HS6ST3: variants seen among roughly 807,000 people sequenced by gnomAD.
The protein encoded by HS6ST3 is heparan-sulfate 6-O-sulfotransferase 3.
A neutral mutation model predicts 36.7 loss-of-function variants in HS6ST3; 12 were observed. The ratio of observed to expected loss-of-function variants is 0.33; its 90% CI spans 0.21 to 0.53. The LOEUF (loss-of-function observed/expected upper bound fraction) is 0.53. Among genes scored for constraint, HS6ST3 ranks in the 20% least tolerant of loss-of-function variants. HS6ST3 has a pLI of 0.95. For synonymous variants in HS6ST3, 240 were observed against 257.5 expected (o/e 0.93, Z 0.65); for missense variants, 584 against 640.9 (o/e 0.91, Z 0.96).
At chr13:96,465,560 C>T (rs2055808289) in intron 1 of HS6ST3, among the ~76,000 whole-genome samples, 1 of 152,124 alleles carries the variant, frequency 6.6e-6, no homozygotes, top group Non-Finnish European at 1.5e-5. Flanking sequence ...CTTAAGGATG[C>T]AACCCACAGG....
chr13:96,302,976 T>C (rs2139404632), intron 1 of HS6ST3, among the ~76,000 whole-genome samples: 1 of 152,308 alleles, frequency 6.6e-6, no homozygotes, highest in South Asian at 2.1e-4. Flanking sequence ...CCTTCACTTA[T>C]ATGCTGTTTA....
At chr13:96,114,837 T>G (rs919291612) in intron 1 of HS6ST3, among the ~76,000 whole-genome samples, 13 of 152,146 alleles carry the variant, frequency 8.5e-5, no homozygotes, top group Admixed American at 8.5e-4. Flanking sequence ...CATAAATAAG[T>G]CTTTGTGTTG....
At chr13:96,745,927 A>G (rs1216479587) in intron 1 of HS6ST3, among the ~76,000 whole-genome samples, 2 of 152,012 alleles carry the variant, frequency 1.3e-5, no homozygotes, top group Non-Finnish European at 2.9e-5. Context: ...CAGAAATACA[A>G]AGCCCAGGCA....
intron 1 of HS6ST3, among the ~76,000 whole-genome samples, chr13:96,800,570 C>T (rs1416901701): frequency 1.3e-5 from 2 of 152,020 alleles, no homozygotes; most frequent in Non-Finnish European, 2.9e-5. Flanking sequence ...TAAGACTTTT[C>T]CATTTCTGGG....
intron 1 of HS6ST3, among the ~76,000 whole-genome samples, chr13:96,132,439 C>T (rs929131074): frequency 1.3e-5 from 2 of 150,988 alleles, no homozygotes; most frequent in African/African-American, 4.9e-5. Context: ...GGGTCTTGCT[C>T]TGTCACCCAG....
At chr13:96,500,017 C>A (rs1420946992) in intron 1 of HS6ST3, among the ~76,000 whole-genome samples, 1 of 152,054 alleles carries the variant, frequency 6.6e-6, no homozygotes, top group Admixed American at 6.6e-5. Context: ...GTGCAACATC[C>A]CTGCTGATTT....
intron 1 of HS6ST3, among the ~76,000 whole-genome samples, chr13:96,436,181 G>C (rs895212141): frequency 1.3e-5 from 2 of 152,138 alleles, no homozygotes; most frequent in Admixed American, 1.3e-4. Flanking sequence ...TTAAGAAAAA[G>C]TCTTTTCACC....
intron 1 of HS6ST3, among the ~76,000 whole-genome samples, chr13:96,742,098 T>C (rs143567307): frequency 1.1e-3 from 169 of 152,246 alleles, no homozygotes; most frequent in African/African-American, 3.8e-3. Context: ...TGTAAAAATG[T>C]ACAAAGTGCT....
At chr13:96,279,554 A>T (rs1249365373) in intron 1 of HS6ST3, among the ~76,000 whole-genome samples, 2 of 152,180 alleles carry the variant, frequency 1.3e-5, no homozygotes, top group South Asian at 2.1e-4. Flanking sequence ...TGATTGCAGA[A>T]AGAAAACTGC....
intron 1 of HS6ST3, among the ~76,000 whole-genome samples, chr13:96,763,121 G>A (rs1376790601): frequency 8.6e-5 from 13 of 151,996 alleles, no homozygotes; most frequent in African/African-American, 3.1e-4. Flanking sequence ...TCAGGAAGAG[G>A]GTGTGAGGAA....
intron 1 of HS6ST3, among the ~76,000 whole-genome samples, chr13:96,176,419 C>T (rs1362404790): frequency 6.6e-6 from 1 of 151,914 alleles, no homozygotes; most frequent in East Asian, 1.9e-4. Context: ...TGATGGAACC[C>T]TAATGAATAC....
intron 1 of HS6ST3, among the ~76,000 whole-genome samples, chr13:96,462,594 A>T (rs2055790219): frequency 6.6e-6 from 1 of 152,204 alleles, no homozygotes; most frequent in African/African-American, 2.4e-5. Context: ...ACAATTCCTC[A>T]TTTTTATTAT....
intron 1 of HS6ST3, among the ~76,000 whole-genome samples, chr13:96,292,483 A>G (rs1006612100): frequency 2.0e-5 from 3 of 152,106 alleles, no homozygotes; most frequent in African/African-American, 7.2e-5. Context: ...TATTAAAGCC[A>G]AGTGGTATTT....
intron 1 of HS6ST3, among the ~76,000 whole-genome samples, chr13:96,596,147 T>G (rs1428757960): frequency 6.6e-6 from 1 of 152,162 alleles, no homozygotes; most frequent in East Asian, 1.9e-4. Flanking sequence ...ACTCTGTATG[T>G]CTTTCCATAT....
Position 96,722,046 on chromosome 13 carries a change from A to C in HS6ST3, c.708-110444A>C, listed in dbSNP as rs141931307. On this transcript the variant is annotated intron_variant, in intron 1 of 1. Coordinates refer to ENST00000376705, the MANE Select transcript of HS6ST3 (RefSeq NM_153456.4). Reference sequence around the variant, plus strand: ...CTTTGGGAGGTTGGATGGGCGGATCACCTGAGGTCAGGAGTTTGAGACCAG... The same window carrying C: ...CTTTGGGAGGTTGGATGGGCGGATCCCCTGAGGTCAGGAGTTTGAGACCAG... Among the ~76,000 whole-genome samples the C allele has an allele frequency of 4.0e-3, 611 of 152,240 alleles. 7 individuals are homozygous for C. The highest frequency in any genetic ancestry group is 7.5e-3 in the Admixed American group (114 of 15,282).
intron 1 of HS6ST3, among the ~76,000 whole-genome samples, chr13:96,104,992 C>T (rs1184451017): frequency 2.2e-5 from 3 of 135,188 alleles, no homozygotes; most frequent in African/African-American, 5.5e-5. Flanking sequence ...GGAAAGGACA[C>T]AATAATGTAC....
chr13:96,142,719 A>G (rs1051733456), intron 1 of HS6ST3, among the ~76,000 whole-genome samples: 3 of 152,164 alleles, frequency 2.0e-5, no homozygotes, highest in Non-Finnish European at 4.4e-5. Context: ...GTAAACATAT[A>G]TGTCAGAAAC....
chr13:96,823,307 G>T (rs1878575814), intron 1 of HS6ST3, among the ~76,000 whole-genome samples: 1 of 152,202 alleles, frequency 6.6e-6, no homozygotes, highest in Admixed American at 6.5e-5. Context: ...ATGTTCATCA[G>T]ATTCTTGTTT....
At chr13:96,807,280 G>A (rs953538760) in intron 1 of HS6ST3, among the ~76,000 whole-genome samples, 5 of 152,166 alleles carry the variant, frequency 3.3e-5, no homozygotes, top group South Asian at 4.2e-4. Flanking sequence ...CTCCTGTTAC[G>A]GGTTAAATGC....
Sources: gnomAD v4.1 joint callset for allele counts (sites outside exome capture counted in the v4.1 genomes callset) on GRCh38, gnomAD v4.1.1 for gene constraint, MANE v1.5 for transcripts, NCBI Gene and HGNC (gene_info 2026-07-23, HGNC 2026-07-21) for gene names.